The following COBL variants were observed in gnomAD, a reference collection of about 807,000 sequenced individuals.
COBL encodes cordon-bleu WH2 repeat protein, also known as protein cordon-bleu.
COBL carries 51 observed loss-of-function variants against 98.8 expected under a neutral mutation model. The observed-to-expected ratio is 0.52, with a 90% CI of 0.41 to 0.65. The LOEUF is 0.65. Ranked by LOEUF, COBL falls within the 30% of genes least tolerant of loss-of-function variation. The pLI is 0.00. For missense variants in COBL, 1,617 were observed against 1,617.5 expected (o/e 1.00, Z 0.01); for synonymous variants, 634 against 651.7 (o/e 0.97, Z 0.41).
chr7:51,043,714 C>A, intron 7 of COBL, 22 bp from the exon 8 acceptor site: 1 of 1,600,266 alleles, frequency 6.2e-7, no homozygotes, highest in Admixed American at 1.7e-5. Flanking sequence ...ACGGCAAGGA[C>A]AGGTCAGCCC....
intron 5 of COBL, among the ~76,000 whole-genome samples, chr7:51,173,817 C>T (rs1056260406): frequency 6.6e-6 from 1 of 152,072 alleles, no homozygotes; most frequent in Admixed American, 6.5e-5. Flanking sequence ...AACACAAAAG[C>T]TTTAAAACAA....
intron 1 of COBL, among the ~76,000 whole-genome samples, chr7:51,241,456 T>C (rs969922659): frequency 6.6e-6 from 1 of 152,152 alleles, no homozygotes; most frequent in African/African-American, 2.4e-5. Context: ...TCGGAAGGCC[T>C]GGGTGCTCCC....
chr7:51,110,665 T>C (rs909992662), intron 6 of COBL, among the ~76,000 whole-genome samples: 1 of 152,230 alleles, frequency 6.6e-6, no homozygotes, highest in Non-Finnish European at 1.5e-5. Flanking sequence ...ACCATATTTG[T>C]TGTCTTTTAT....
rs1231433560 is a variant in COBL at position 51,301,383 on chromosome 7, C to G, written c.41+15210G>C. ...ACAGCCCGTGCTCTCCACTCTGTGA[C>G]GGGGAACTGCCTGGGCCCCCATCAC... is the stretch of plus-strand genomic sequence containing the variant. On this transcript the variant is annotated intron_variant, in intron 1 of 12. Coordinates refer to ENST00000265136, the MANE Select transcript of COBL (RefSeq NM_015198.5). 2.0e-5 allele frequency among the ~76,000 whole-genome samples: 3 copies of G among 152,316 alleles called. No individual in the cohort carries two copies. In the East Asian group the frequency reaches 5.8e-4, roughly 30 times the overall value.
At chr7:51,289,402 C>T (rs1234430707) in intron 1 of COBL, among the ~76,000 whole-genome samples, 1 of 152,212 alleles carries the variant, frequency 6.6e-6, no homozygotes, top group Non-Finnish European at 1.5e-5. Flanking sequence ...TGTGTCACTG[C>T]ACTCGGGTGT....
chr7:51,121,036 A>C (rs1797692523), intron 6 of COBL, among the ~76,000 whole-genome samples: 1 of 152,136 alleles, frequency 6.6e-6, no homozygotes, highest in Non-Finnish European at 1.5e-5. Context: ...ATATGCCCGG[A>C]AGTGAAATTG....
chr7:51,065,022 A>C (rs1388208075), intron 7 of COBL: 2 of 608,746 alleles, frequency 3.3e-6, no homozygotes, highest in Non-Finnish European at 5.9e-6. Flanking sequence ...AGAATTCATT[A>C]CATTAGAACT....
chr7:51,257,767 G>C (rs6978058), intron 1 of COBL, among the ~76,000 whole-genome samples: 1 of 151,830 alleles, frequency 6.6e-6, no homozygotes, highest in African/African-American at 2.4e-5. Flanking sequence ...GAAAGAATTT[G>C]TACACTAGAG....
chr7:51,161,935 T>G (rs1786859978), intron 5 of COBL, among the ~76,000 whole-genome samples: 1 of 152,224 alleles, frequency 6.6e-6, no homozygotes, highest in Non-Finnish European at 1.5e-5. Context: ...TTGCACTTTA[T>G]CAGACTGATA....
At chr7:51,264,550 A>G (rs1798009703) in intron 1 of COBL, among the ~76,000 whole-genome samples, 1 of 151,654 alleles carries the variant, frequency 6.6e-6, no homozygotes, top group African/African-American at 2.4e-5. Flanking sequence ...GCACACCTGT[A>G]ATCCCAGCTA....
At chr7:51,147,743 TTTTTC>T (rs1026954153) in intron 5 of COBL, among the ~76,000 whole-genome samples, 2 of 151,142 alleles carry the variant, frequency 1.3e-5, no homozygotes, top group African/African-American at 2.4e-5. Context: ...AGTACGTTGA[TTTTTC>T]TTTTCTTTTT....
Position 51,227,149 on chromosome 7 carries a change from G to A in COBL, c.42-7205C>T, listed in dbSNP as rs527487792. 3.0e-4 allele frequency among the ~76,000 whole-genome samples: 46 copies of A among 152,286 alleles called. No individual in the cohort carries two copies. In the South Asian group the frequency reaches 9.4e-3, roughly 31 times the overall value. On this transcript the variant is annotated intron_variant, in intron 1 of 12. Transcript: ENST00000265136. The stretch of plus-strand genomic sequence containing the variant: ...CCGGCTGATGAGCGGTGAGGTTAGA[G>A]AATACTCTTCAGTGAAGGTTTCCAG...
intron 6 of COBL, among the ~76,000 whole-genome samples, chr7:51,089,416 G>C (rs1231789333): frequency 1.3e-5 from 2 of 152,120 alleles, no homozygotes; most frequent in African/African-American, 4.8e-5. Context: ...TCGGGAAGCT[G>C]AGGCGGGAGG....
intron 1 of COBL, among the ~76,000 whole-genome samples, chr7:51,305,411 C>T (rs1802366607): frequency 6.6e-6 from 1 of 152,120 alleles, no homozygotes; most frequent in Non-Finnish European, 1.5e-5. Flanking sequence ...TATAATTTTC[C>T]TCTGAGGTTG....
chr7:51,296,968 A>G (rs1229984692), intron 1 of COBL, among the ~76,000 whole-genome samples: 1 of 152,186 alleles, frequency 6.6e-6, no homozygotes, highest in Non-Finnish European at 1.5e-5. Context: ...TGGGTGTAAT[A>G]CTGAATGATG....
At chr7:51,098,811 G>A (rs1795543727) in intron 6 of COBL, among the ~76,000 whole-genome samples, 1 of 152,130 alleles carries the variant, frequency 6.6e-6, no homozygotes. Flanking sequence ...AATCAACAGA[G>A]TGAAGAGGGA....
At chr7:51,130,300 G>A (rs1465670449) in intron 6 of COBL, among the ~76,000 whole-genome samples, 2 of 152,150 alleles carry the variant, frequency 1.3e-5, no homozygotes, top group Admixed American at 1.3e-4. Context: ...GAGTGGCCAT[G>A]AGACACACCC....
chr7:51,263,319 CT>C, intron 1 of COBL, among the ~76,000 whole-genome samples: 1 of 152,310 alleles, frequency 6.6e-6, no homozygotes, highest in African/African-American at 2.4e-5. Flanking sequence ...CACTCATGCA[CT>C]CCCACGTGTG....
chr7:51,233,491 G>A (rs115497101), intron 1 of COBL, among the ~76,000 whole-genome samples: 8 of 152,304 alleles, frequency 5.3e-5, no homozygotes, highest in South Asian at 4.1e-4. Flanking sequence ...GAACCAAACC[G>A]AGTGGAAATC....
Sources: gnomAD v4.1 joint callset for allele counts (sites outside exome capture counted in the v4.1 genomes callset) on GRCh38, gnomAD v4.1.1 for gene constraint, MANE v1.5 for transcripts, NCBI Gene and HGNC (gene_info 2026-07-23, HGNC 2026-07-21) for gene names.